SLC14A2: variants seen among roughly 807,000 people sequenced by gnomAD.
SLC14A2 encodes the protein solute carrier family 14 member 2.
A neutral mutation model predicts 104.6 loss-of-function variants in SLC14A2; 91 were observed. That is an observed-to-expected ratio of 0.87 (90% confidence interval 0.73 to 1.04). The LOEUF is 1.04. Among genes scored for constraint, SLC14A2 ranks in the 50% least tolerant of loss-of-function variants. SLC14A2 has a pLI of 0.00. For missense variants in SLC14A2, 1,189 were observed against 1,156.0 expected (o/e 1.03, Z -0.41); for synonymous variants, 476 against 466.4 (o/e 1.02, Z -0.27).
chr18:45,564,499 A>G (rs2044241468), intron 2 of SLC14A2, among the ~76,000 whole-genome samples: 1 of 152,154 alleles, frequency 6.6e-6, no homozygotes, highest in African/African-American at 2.4e-5. Context: ...AGTGAGTTAC[A>G]CAGAGAGGTG....
At chr18:45,355,066 T>G (rs1490944753) in intron 1 of SLC14A2, among the ~76,000 whole-genome samples, 2 of 152,212 alleles carry the variant, frequency 1.3e-5, no homozygotes, top group Non-Finnish European at 2.9e-5. Flanking sequence ...CTCCTTCACC[T>G]CCTGGTTCTA....
At chr18:45,365,973 C>A (rs1225820719) in intron 1 of SLC14A2, among the ~76,000 whole-genome samples, 1 of 150,548 alleles carries the variant, frequency 6.6e-6, no homozygotes, top group Non-Finnish European at 1.5e-5. Context: ...AGCACGTACA[C>A]CCAAGCAAAG....
At chr18:45,677,618 G>A (rs753763354) in intron 18 of SLC14A2, among the ~76,000 whole-genome samples, 14 of 152,326 alleles carry the variant, frequency 9.2e-5, no homozygotes, top group South Asian at 4.2e-4. Context: ...CATAGGGAAT[G>A]TCCAGTAAGT....
intron 1 of SLC14A2, among the ~76,000 whole-genome samples, chr18:45,368,085 G>A (rs999449652): frequency 1.1e-4 from 16 of 151,876 alleles, no homozygotes; most frequent in African/African-American, 3.4e-4. Context: ...GATAACAGAC[G>A]CATCCTCCAA....
At chr18:45,189,252 T>C in the SLC14A2 span, among the ~76,000 whole-genome samples, 2 of 152,198 alleles carry the variant, frequency 1.3e-5, no homozygotes, top group Admixed American at 1.3e-4. Flanking sequence ...CCAGACTCAA[T>C]AATTATGACT....
intron 1 of SLC14A2, among the ~76,000 whole-genome samples, chr18:45,252,869 G>C (rs1230752371): frequency 6.7e-6 from 1 of 149,704 alleles, no homozygotes; most frequent in African/African-American, 2.5e-5. Flanking sequence ...GATTAGGCTG[G>C]GATAGAACAA....
At chr18:45,220,814 C>A (rs763986177) in intron 1 of SLC14A2, among the ~76,000 whole-genome samples, 1 of 152,140 alleles carries the variant, frequency 6.6e-6, no homozygotes, top group African/African-American at 2.4e-5. Flanking sequence ...TTGTGGTTCT[C>A]GAGGCTGGAA....
At chr18:45,490,938 C>A (rs546545013) in intron 2 of SLC14A2, among the ~76,000 whole-genome samples, 2 of 152,286 alleles carry the variant, frequency 1.3e-5, no homozygotes, top group African/African-American at 4.8e-5. Context: ...CACACCTATT[C>A]AACTGTCAAA....
At chr18:45,328,349 C>T (rs1376179156) in intron 1 of SLC14A2, among the ~76,000 whole-genome samples, 1 of 152,166 alleles carries the variant, frequency 6.6e-6, no homozygotes, top group Non-Finnish European at 1.5e-5. Context: ...TATCACTGAA[C>T]ATCAACCACA....
At chr18:45,669,907 C>T (rs2144640643) in intron 16 of SLC14A2, among the ~76,000 whole-genome samples, 1 of 152,354 alleles carries the variant, frequency 6.6e-6, no homozygotes, top group Admixed American at 6.5e-5. Context: ...TCAAGTCGTA[C>T]ACATCATGCT....
intron 1 of SLC14A2, among the ~76,000 whole-genome samples, chr18:45,262,735 GTC>G (rs2084552551): frequency 6.6e-6 from 1 of 152,168 alleles, no homozygotes; most frequent in Admixed American, 6.5e-5. Context: ...CTGTCTTACT[GTC>G]ATTCCTTCAT....
intron 2 of SLC14A2, among the ~76,000 whole-genome samples, chr18:45,552,844 G>A (rs947689073): frequency 6.6e-6 from 1 of 152,222 alleles, no homozygotes; most frequent in African/African-American, 2.4e-5. Context: ...AAGCAAAGGG[G>A]AGGACAACAG....
At chr18:45,306,809 A>T (rs2085026368) in intron 1 of SLC14A2, among the ~76,000 whole-genome samples, 1 of 152,134 alleles carries the variant, frequency 6.6e-6, no homozygotes, top group Non-Finnish European at 1.5e-5. Flanking sequence ...GGCAGCTAAG[A>T]TCTTGTTCTA....
intron 1 of SLC14A2, among the ~76,000 whole-genome samples, chr18:45,418,385 T>A (rs2612567): frequency 0.99 from 151,101 of 152,326 alleles, 74,956 homozygotes; most frequent in Middle Eastern, 1. Context: ...GGGCGTCTGT[T>A]GCATGTGGTG....
At chr18:45,211,900 A>T (rs147620021), upstream of SLC14A2, among the ~76,000 whole-genome samples, 120 of 152,364 alleles carry the variant, frequency 7.9e-4, 1 homozygote, top group East Asian at 0.023. Flanking sequence ...TTCCTACAAC[A>T]TAAATGGAAC....
the SLC14A2 span, among the ~76,000 whole-genome samples, chr18:45,175,896 A>G: frequency 3.9e-5 from 6 of 152,184 alleles, no homozygotes; most frequent in African/African-American, 1.4e-4. Flanking sequence ...TGTCTGTTAT[A>G]AGGGGCTGAT....
intron 1 of SLC14A2, among the ~76,000 whole-genome samples, chr18:45,441,630 C>T (rs1432357916): frequency 6.6e-6 from 1 of 152,180 alleles, no homozygotes; most frequent in Non-Finnish European, 1.5e-5. Flanking sequence ...CACGCATGCC[C>T]ATACATGTGT....
At chr18:45,309,841 A>G (rs1344681015) in intron 1 of SLC14A2, among the ~76,000 whole-genome samples, 2 of 152,046 alleles carry the variant, frequency 1.3e-5, no homozygotes, top group Non-Finnish European at 2.9e-5. Flanking sequence ...CTCCTATCCC[A>G]TGTCCCTCCT....
intron 1 of SLC14A2, among the ~76,000 whole-genome samples, chr18:45,455,844 A>T (rs2144625196): frequency 6.6e-6 from 1 of 152,264 alleles, no homozygotes; most frequent in Non-Finnish European, 1.5e-5. Context: ...GCTATGAAAA[A>T]CTTGAAGCAA....
Sources: allele counts gnomAD v4.1 joint callset (sites outside exome capture counted in the v4.1 genomes callset), GRCh38; gene constraint gnomAD v4.1.1; transcripts MANE v1.5; gene names NCBI Gene and HGNC (gene_info 2026-07-23, HGNC 2026-07-21).